The following TEX15 variants were observed in gnomAD, a reference collection of about 807,000 sequenced individuals.
TEX15 encodes testis-expressed protein 15.
In TEX15, 171 loss-of-function variants were observed where a neutral mutation model predicts 237.3. That is an observed-to-expected ratio of 0.72 (90% CI 0.64 to 0.82). TEX15 has a LOEUF of 0.82. Ranked by LOEUF, TEX15 falls within the 40% of genes least tolerant of loss-of-function variation. The pLI is 0.00. For synonymous variants in TEX15, 1,338 were observed against 1,269.8 expected (o/e 1.05, Z -1.14); for missense variants, 3,750 against 3,646.5 (o/e 1.03, Z -0.73).
intron 2 of TEX15, among the ~76,000 whole-genome samples, chr8:30,895,346 AT>A (rs1350488657): frequency 1.3e-5 from 2 of 150,014 alleles, no homozygotes; most frequent in African/African-American, 4.9e-5. Context: ...TGACTGCTGA[AT>A]TGGTGATGGG....
intron 2 of TEX15, among the ~76,000 whole-genome samples, chr8:30,894,805 G>A (rs1808862652): frequency 6.6e-6 from 1 of 152,342 alleles, no homozygotes. Flanking sequence ...GTATTGGGAG[G>A]TGGGGCCTTC....
chr8:30,888,991 T>C lies in TEX15; in HGVS notation c.-9-1680A>G, dbSNP rs370965694. On this transcript the variant is annotated intron_variant, in intron 2 of 10. Coordinates refer to ENST00000643185, the MANE Select transcript of TEX15 (RefSeq NM_001350162.2). The stretch of plus-strand genomic sequence containing the variant: ...CTAGAGATACTTGTCAAGGCTGCCA[T>C]GTTCACCTCGCAGTTTAGTAAGGGG... Among the ~76,000 whole-genome samples, 8 of 152,326 alleles carry C rather than the reference T, an allele frequency of 5.3e-5. No homozygotes were observed. The East Asian group carries it at 1.5e-3, about 29-fold the overall frequency.
chr8:30,863,584 T>C (rs1233033565), intron 5 of TEX15, among the ~76,000 whole-genome samples: 2 of 152,212 alleles, frequency 1.3e-5, no homozygotes, highest in Admixed American at 6.6e-5. Flanking sequence ...CCTCCTTGCC[T>C]GGCTGAAATG....
chr8:30,878,376 A>T (rs183003611), intron 3 of TEX15, among the ~76,000 whole-genome samples: 3 of 151,938 alleles, frequency 2.0e-5, no homozygotes, highest in Admixed American at 2.0e-4. Flanking sequence ...TGGCAGTTGC[A>T]TGCTTATTTA....
chr8:30,859,943 C>A lies in TEX15; in HGVS notation c.655G>T (p.Asp219Tyr), dbSNP rs1441599447. 8.6e-6 allele frequency: 13 copies of A among 1,505,964 alleles called. No homozygotes were observed. Among genetic ancestry groups the A allele is most frequent in the Non-Finnish European group, 1.1e-5 (13 of 1,136,790 alleles). 93.3% of individuals were successfully genotyped at this position (1,505,964 alleles called of 1,614,324 possible). A position where few individuals can be genotyped will look rare whatever the true frequency, so the allele number is the denominator to read the frequency against. ...CTGTAGGCTTGCAGTTCAATGGTAT[C>A]TTTCAAAGAAGGTGCATTTCTTGAC... ...HMSRNAPSLK[D>Y]TIELQAYSSA... is the part of the protein sequence containing the mutation. Residue 219 changes from aspartate to tyrosine, a missense_variant, in exon 6 of 11, where the codon GAT becomes TAT. Coordinates refer to ENST00000643185, the MANE Select transcript of TEX15 (RefSeq NM_001350162.2).
intron 1 of TEX15, among the ~76,000 whole-genome samples, chr8:30,907,683 AATT>A (rs1297561731): frequency 7.0e-6 from 1 of 142,244 alleles, no homozygotes; most frequent in East Asian, 2.0e-4. Flanking sequence ...TTATATATAA[AATT>A]TTATATATAA....
chr8:30,907,835 G>C lies in TEX15; in HGVS notation c.-86+5044C>G, dbSNP rs565493565. Among the ~76,000 whole-genome samples, 4 of 148,978 alleles carry C rather than the reference G, an allele frequency of 2.7e-5. No homozygotes were observed. The South Asian group carries it at 8.4e-4, about 31-fold the overall frequency. On this transcript the variant is annotated intron_variant, in intron 1 of 10. Coordinates refer to ENST00000643185, the MANE Select transcript of TEX15 (RefSeq NM_001350162.2). Reference sequence around the variant, plus strand: ...GCCTTTAGTCCCCAGCTATTTGGGAGGCTGAAATGGGAAGACTGCTTGAGC... The same window carrying C: ...GCCTTTAGTCCCCAGCTATTTGGGACGCTGAAATGGGAAGACTGCTTGAGC...
At position 30,845,953 on chromosome 8, in the gene TEX15, C is replaced by T. The variant is rs1255435575; in HGVS notation, c.4214G>A (p.Gly1405Glu). 1 of 1,612,750 alleles carries T rather than the reference C, an allele frequency of 6.2e-7. No individual in the cohort carries two copies. The highest frequency in any genetic ancestry group is 8.5e-7 in the Non-Finnish European group (1 of 1,179,524). Residue 1405 changes from glycine to glutamate, a missense_variant, in exon 8 of 11, where the codon GGA becomes GAA. By Grantham distance (98) the Gly-to-Glu change is moderately conservative. Coordinates refer to ENST00000643185, the MANE Select transcript of TEX15 (RefSeq NM_001350162.2). ...HTSLQLITKVGEERKGPLPKS... is the reference protein window; with the variant it reads ...HTSLQLITKVEEERKGPLPKS... ...TGGTAATGGGCCCTTTCTTTCTTCT[C>T]CTACTTTAGTTATAAGCTGCAAAGA...
intron 4 of TEX15, 65 bp from the exon 5 acceptor site, chr8:30,867,567 A>G (rs1461110118): frequency 4.4e-6 from 4 of 913,660 alleles, no homozygotes; most frequent in Non-Finnish European, 6.7e-6. Context: ...AAGAAGATAC[A>G]TATTTCCACT....
intron 7 of TEX15, among the ~76,000 whole-genome samples, chr8:30,851,768 C>G (rs1807789566): frequency 6.6e-6 from 1 of 152,082 alleles, no homozygotes; most frequent in Admixed American, 6.5e-5. Context: ...GAAACCCTGT[C>G]TGTACTAAAA....
chr8:30,852,314 C>T (rs1436327557), intron 7 of TEX15, among the ~76,000 whole-genome samples: 1 of 151,860 alleles, frequency 6.6e-6, no homozygotes, highest in South Asian at 2.1e-4. Flanking sequence ...ACCGTGGTCT[C>T]GATCTCCTGA....
chr8:30,838,715 C>T (rs536992073), intron 9 of TEX15, among the ~76,000 whole-genome samples: 55 of 133,876 alleles, frequency 4.1e-4, no homozygotes, highest in African/African-American at 1.6e-3. Flanking sequence ...CACACACACA[C>T]ACATATATAC....
chr8:30,859,845 TTAAG>T, intron 6 of TEX15, 62 bp downstream of exon 6: 1 of 1,209,954 alleles, frequency 8.3e-7, no homozygotes. Flanking sequence ...TTTTGGGAAT[TTAAG>T]TCTTAAAACA....
intron 1 of TEX15, among the ~76,000 whole-genome samples, chr8:30,907,823 A>G (rs1294832456): frequency 6.8e-6 from 1 of 147,744 alleles, no homozygotes; most frequent in Non-Finnish European, 1.5e-5. Context: ...TTTAGTCCCC[A>G]GCTATTTGGG....
intron 1 of TEX15, among the ~76,000 whole-genome samples, chr8:30,905,215 C>A (rs899060791): frequency 3.3e-5 from 5 of 151,258 alleles, no homozygotes; most frequent in Admixed American, 2.0e-4. Context: ...CTGCAACAAA[C>A]CTGGTGGGAA....
Position 30,907,963 on chromosome 8 carries a change from A to ATGCAGAGGCACAGTGATGGCTCAC in TEX15, c.-86+4892_-86+4915dup, listed in dbSNP as rs1809143923. 2.0e-5 allele frequency among the ~76,000 whole-genome samples: 3 copies of ATGCAGAGGCACAGTGATGGCTCAC among 152,010 alleles called. No homozygotes were observed. The South Asian group carries it at 6.2e-4, about 31-fold the overall frequency. On this transcript the variant is annotated intron_variant, in intron 1 of 10. Transcript: ENST00000643185. ...ATAAAAGAATTCATCGCCCAGGCTG[A>ATGCAGAGGCACAGTGATGGCTCAC]TGCAGAGGCACAGTGATGGCTCACT...
intron 3 of TEX15, among the ~76,000 whole-genome samples, chr8:30,875,979 GCTTTT>G (rs1218878210): frequency 2.0e-5 from 3 of 151,808 alleles, no homozygotes; most frequent in Non-Finnish European, 4.4e-5. Context: ...TGCCCAGCTA[GCTTTT>G]CTTTTATTTT....
At position 30,845,910 on chromosome 8, in the gene TEX15, T is replaced by C; in HGVS notation, c.4257A>G (p.Ile1419Met). ...CACAACTTTCCCAGAAATTATTGCATATTATTGCATATGATTTTGGTAATG... is the reference window on the plus strand; with the variant it reads ...CACAACTTTCCCAGAAATTATTGCACATTATTGCATATGATTTTGGTAATG... ...KGPLPKSYAIICNNFWESCDL... is the reference protein window; with the variant it reads ...KGPLPKSYAIMCNNFWESCDL... Residue 1419 changes from isoleucine (I) to methionine (M), a missense_variant, in exon 8 of 11, where the codon ATA (isoleucine) becomes ATG (methionine). By Grantham distance (10) the Ile-to-Met change is conservative. Transcript: ENST00000643185. 6.2e-7 allele frequency: 1 copy of C among 1,613,368 alleles called. No individual in the cohort carries two copies. The highest frequency in any genetic ancestry group is 1.1e-5 in the South Asian group (1 of 91,006).
rs1023711032 is a variant in TEX15 at position 30,846,636 on chromosome 8, C to T, written c.3531G>A (p.Leu1177=). The T allele has an allele frequency of 4.3e-6, 7 of 1,613,740 alleles. No homozygotes were observed. The African/African-American group carries it at 9.3e-5, about 22-fold the overall frequency. The change falls in exon 8 of 11, where the codon TTG becomes TTA. Residue 1177 remains leucine (L), a synonymous_variant. Transcript: ENST00000643185. Reference sequence around the variant, plus strand: ...TTACATGTGTGCAAAAACTATCTTTCAATGCAAGGGAGTCAGCTGTCGGGC... The same window carrying T: ...TTACATGTGTGCAAAAACTATCTTTTAATGCAAGGGAGTCAGCTGTCGGGC... ...GFSPTADSLA[L]KDSFCTHVTE...
Sources: allele counts gnomAD v4.1 joint callset (sites outside exome capture counted in the v4.1 genomes callset), GRCh38; gene constraint gnomAD v4.1.1; transcripts MANE v1.5; gene names NCBI Gene and HGNC (gene_info 2026-07-23, HGNC 2026-07-21).